The following SCN4B variants were observed in gnomAD, a reference collection of about 807,000 sequenced individuals.
The protein encoded by SCN4B is sodium voltage-gated channel beta subunit 4.
In SCN4B, 20 loss-of-function variants were observed where a neutral mutation model predicts 19.6. The ratio of observed to expected loss-of-function variants is 1.02; its 90% CI spans 0.72 to 1.48. The LOEUF is 1.48. Among genes scored for constraint, SCN4B ranks in the 40% most tolerant of loss-of-function variants. The probability of loss-of-function intolerance (pLI) is 0.00; values close to 1 mark genes in which losing one functional copy is unlikely to be tolerated. For synonymous variants in SCN4B, 127 were observed against 122.8 expected (o/e 1.03, Z -0.22); for missense variants, 271 against 287.5 (o/e 0.94, Z 0.42).
intron 1 of SCN4B, among the ~76,000 whole-genome samples, chr11:118,151,224 C>T (rs1437333351): frequency 1.3e-5 from 2 of 152,136 alleles, no homozygotes; most frequent in Non-Finnish European, 2.9e-5. Flanking sequence ...AAGGGACTGG[C>T]ATCCCACCAC....
intron 3 of SCN4B, 107 bp downstream of exon 3, chr11:118,143,726 A>G (rs1948129850): frequency 2.5e-6 from 2 of 801,120 alleles, no homozygotes; most frequent in Non-Finnish European, 4.3e-6. Flanking sequence ...GTGTAAAGCA[A>G]AAGAAAACAC....
At chr11:118,140,547 C>G (rs1948082211) in intron 4 of SCN4B, among the ~76,000 whole-genome samples, 1 of 152,202 alleles carries the variant, frequency 6.6e-6, no homozygotes, top group African/African-American at 2.4e-5. Flanking sequence ...TTTCCCTGCT[C>G]TAGTTTTGCA....
intron 3 of SCN4B, among the ~76,000 whole-genome samples, chr11:118,143,575 C>G (rs1317715036): frequency 1.3e-5 from 2 of 152,170 alleles, no homozygotes; most frequent in Non-Finnish European, 2.9e-5. Flanking sequence ...AACCACAACT[C>G]TAGGAAAATG....
rs750652689 is a variant in SCN4B, at chr11:118,145,426, A to G, written c.62-197T>C. 265 of 1,510,114 alleles carry G rather than the reference A, an allele frequency of 1.8e-4. 1 individual carries two copies. Among genetic ancestry groups the G allele is most frequent in the Middle Eastern group, 1.4e-3 (6 of 4,278 alleles). 93.5% of individuals were successfully genotyped at this position (1,510,114 alleles called of 1,614,324 possible). Reference sequence around the variant, plus strand: ...CCATCATTCTCCATTTCTCCCCTGGAAAGGACTGAATTCTGGACCAGGGAG... The same window carrying G: ...CCATCATTCTCCATTTCTCCCCTGGGAAGGACTGAATTCTGGACCAGGGAG... On this transcript the variant is annotated intron_variant, in intron 1 of 4. Coordinates refer to ENST00000324727, the MANE Select transcript of SCN4B (RefSeq NM_174934.4).
intron 4 of SCN4B, among the ~76,000 whole-genome samples, chr11:118,137,858 C>G (rs1565453741): frequency 6.6e-6 from 1 of 152,096 alleles, no homozygotes; most frequent in Non-Finnish European, 1.5e-5. Context: ...CCAGGGCCCC[C>G]CAGGCCTTCC....
rs943848856 is a variant in SCN4B at position 118,145,536 on chromosome 11, C to G, written c.62-307G>C. 1.6e-5 allele frequency: 19 copies of G among 1,213,064 alleles called. No individual in the cohort carries two copies. The Admixed American group carries it at 5.3e-4, about 34-fold the overall frequency. The allele number at this position is 1,213,064 out of a possible 1,614,324, so 75.1% of individuals were successfully genotyped here. Reference sequence around the variant, plus strand: ...CCTGGCCACTGCCGCGAACCGCGCCCCGGCTCCGCCCCTCACCTGGGGACG... The same window carrying G: ...CCTGGCCACTGCCGCGAACCGCGCCGCGGCTCCGCCCCTCACCTGGGGACG... On this transcript the variant is annotated intron_variant, in intron 1 of 4. Transcript: ENST00000324727.
rs1248947145 is a variant in SCN4B at position 118,136,675 on chromosome 11, G to A, written c.*352C>T. 1 of 472,364 alleles carries A rather than the reference G, an allele frequency of 2.1e-6. No individual in the cohort carries two copies. The highest frequency in any genetic ancestry group is 1.5e-5 in the South Asian group (1 of 64,638). The allele number at this position is 472,364 out of a possible 1,614,324, so 29.3% of individuals were successfully genotyped here. On this transcript the variant is annotated 3_prime_UTR_variant, in exon 5 of 5. Coordinates refer to ENST00000324727, the MANE Select transcript of SCN4B (RefSeq NM_174934.4). Reference sequence around the variant, plus strand: ...ACGGATCCTCCCAGTCTCTTGTGAAGAGAAGCCTGGAGGAAAATCAAGGCC... The same window carrying A: ...ACGGATCCTCCCAGTCTCTTGTGAAAAGAAGCCTGGAGGAAAATCAAGGCC...
Position 118,146,394 on chromosome 11 carries a change from G to T in SCN4B, c.62-1165C>A, listed in dbSNP as rs1317520184. 3.3e-5 allele frequency among the ~76,000 whole-genome samples: 5 copies of T among 152,290 alleles called. No individual in the cohort carries two copies. The East Asian group carries it at 9.6e-4, about 29-fold the overall frequency. ...GTCGGTGGAGGCGGGGGCGGGGAGG[G>T]TGTCTGGAAGTGGATGCCTGCCTCA... On this transcript the variant is annotated intron_variant, in intron 1 of 4. Transcript: ENST00000324727.
chr11:118,145,036 G>A, intron 2 of SCN4B, 21 bp downstream of exon 2: 2 of 1,612,820 alleles, frequency 1.2e-6, no homozygotes. Context: ...GGGCTGTACT[G>A]TTCTTCCTCC....
At chr11:118,152,105 G>A (rs1256730710) in intron 1 of SCN4B, among the ~76,000 whole-genome samples, 1 of 152,214 alleles carries the variant, frequency 6.6e-6, no homozygotes, top group Non-Finnish European at 1.5e-5. Flanking sequence ...GGGAGGTACA[G>A]GGCAGAGGAG....
rs1349913830 is a variant in SCN4B at position 118,134,220 on chromosome 11, G to A, written c.*2807C>T. On this transcript the variant is annotated 3_prime_UTR_variant, in exon 5 of 5. Transcript: ENST00000324727. ...GGAGAAGCCCAGAACCTGGAATGCTGATTTCATATTTTGTAGTTGATGAGG... is the reference window on the plus strand; with the variant it reads ...GGAGAAGCCCAGAACCTGGAATGCTAATTTCATATTTTGTAGTTGATGAGG... The A allele has an allele frequency of 2.2e-6, 1 of 454,030 alleles. No individual in the cohort carries two copies. The highest frequency in any genetic ancestry group is 4.4e-6 in the Non-Finnish European group (1 of 226,808). 28.1% of individuals were successfully genotyped at this position (454,030 alleles called of 1,614,324 possible). A position where few individuals can be genotyped will look rare whatever the true frequency, so the allele number is the denominator to read the frequency against.
intron 4 of SCN4B, among the ~76,000 whole-genome samples, chr11:118,137,795 G>C (rs1948038569): frequency 6.6e-6 from 1 of 152,208 alleles, no homozygotes; most frequent in South Asian, 2.1e-4. Context: ...GCCACGCCAG[G>C]GGGAGGGGTC....
rs552887524 is a variant in SCN4B, at chr11:118,136,664, T to C, written c.*363A>G. The C allele has an allele frequency of 6.4e-5, 30 of 466,058 alleles. No homozygotes were observed. Among genetic ancestry groups the C allele is most frequent in the African/African-American group, 5.1e-4 (26 of 50,614 alleles). The allele number at this position is 466,058 out of a possible 1,614,324, so 28.9% of individuals were successfully genotyped here. On this transcript the variant is annotated 3_prime_UTR_variant, in exon 5 of 5. Coordinates refer to ENST00000324727, the MANE Select transcript of SCN4B (RefSeq NM_174934.4). ...GGACATCCCTTACGGATCCTCCCAGTCTCTTGTGAAGAGAAGCCTGGAGGA... is the reference window on the plus strand; with the variant it reads ...GGACATCCCTTACGGATCCTCCCAGCCTCTTGTGAAGAGAAGCCTGGAGGA...
At chr11:118,141,858 C>A (rs943184303) in intron 3 of SCN4B, 1 of 163,972 alleles carries the variant, frequency 6.1e-6, no homozygotes, top group Admixed American at 5.7e-5. Flanking sequence ...GCCTCAGTTT[C>A]TTCATCTGAA....
intron 4 of SCN4B, among the ~76,000 whole-genome samples, chr11:118,138,480 ATCTC>A (rs200427801): frequency 6.6e-6 from 1 of 151,894 alleles, no homozygotes; most frequent in Non-Finnish European, 1.5e-5. Context: ...GGATGGATCC[ATCTC>A]TCTCTCTCTG....
In SCN4B at chr11:118,141,238, T is replaced by C. The variant is rs770162235; in HGVS notation, c.562A>G (p.Ile188Val). The C allele has an allele frequency of 2.7e-5, 43 of 1,612,900 alleles. No individual in the cohort carries two copies. Among genetic ancestry groups the C allele is most frequent in the Non-Finnish European group, 3.6e-5 (42 of 1,179,976 alleles). Reference protein sequence around the residue: ...ILILLIKKLIIFILKKTREKK... With the variant: ...ILILLIKKLIVFILKKTREKK... ...TCCCGAGTCTTCTTCAGGATGAAGATGATGAGTTTCTTGATCAGCAGGATG... is the reference window on the plus strand; with the variant it reads ...TCCCGAGTCTTCTTCAGGATGAAGACGATGAGTTTCTTGATCAGCAGGATG... Residue 188 changes from isoleucine to valine, a missense_variant, in exon 4 of 5, where the codon ATC becomes GTC. Transcript: ENST00000324727.
chr11:118,135,327 C>T lies in SCN4B; in HGVS notation c.*1700G>A, dbSNP rs1038382510. 8.8e-6 allele frequency: 4 copies of T among 453,944 alleles called. No homozygotes were observed. Among genetic ancestry groups the T allele is most frequent in the African/African-American group, 4.0e-5 (2 of 49,986 alleles). The allele number at this position is 453,944 out of a possible 1,614,324, so 28.1% of individuals were successfully genotyped here. A position where few individuals can be genotyped will look rare whatever the true frequency, so the allele number is the denominator to read the frequency against. The stretch of plus-strand genomic sequence containing the variant: ...TCAGTCTCCCCCCACTCCACCCTTG[C>T]GAGGCTTGCAGCTGCTTTTTGACAG... On this transcript the variant is annotated 3_prime_UTR_variant, in exon 5 of 5. Transcript: ENST00000324727.
Position 118,133,770 on chromosome 11 carries a change from C to T in SCN4B, c.*3257G>A, listed in dbSNP as rs1421157275. 2 of 454,546 alleles carry T rather than the reference C, an allele frequency of 4.4e-6. No individual in the cohort carries two copies. Among genetic ancestry groups the T allele is most frequent in the Non-Finnish European group, 8.8e-6 (2 of 226,796 alleles). 28.2% of individuals were successfully genotyped at this position (454,546 alleles called of 1,614,324 possible). A position where few individuals can be genotyped will look rare whatever the true frequency, so the allele number is the denominator to read the frequency against. ...CCCCGCTCCTGGAACTCCCTACTGC[C>T]AGCCCTCTGATGGCAGCTGTCTGTG... On this transcript the variant is annotated 3_prime_UTR_variant, in exon 5 of 5. Coordinates refer to ENST00000324727, the MANE Select transcript of SCN4B (RefSeq NM_174934.4).
At position 118,136,389 on chromosome 11, in the gene SCN4B, T is replaced by C. The variant is rs1452216715; in HGVS notation, c.*638A>G. The C allele has an allele frequency of 2.2e-6, 1 of 453,222 alleles. No homozygotes were observed. The highest frequency in any genetic ancestry group is 4.4e-6 in the Non-Finnish European group (1 of 226,556). 28.1% of individuals were successfully genotyped at this position (453,222 alleles called of 1,614,324 possible). A position where few individuals can be genotyped will look rare whatever the true frequency, so the allele number is the denominator to read the frequency against. On this transcript the variant is annotated 3_prime_UTR_variant, in exon 5 of 5. Transcript: ENST00000324727. ...CCCTCAAGACCAGGGTGGCCAGCCC[T>C]GGTTGAGAGGGCTTAAAAACTCTGA...
Sources: allele counts gnomAD v4.1 joint callset (sites outside exome capture counted in the v4.1 genomes callset), GRCh38; gene constraint gnomAD v4.1.1; transcripts MANE v1.5; gene names NCBI Gene and HGNC (gene_info 2026-07-23, HGNC 2026-07-21).